The following FAM24A variants were observed in gnomAD, a reference collection of about 807,000 sequenced individuals.
FAM24A encodes the protein protein FAM24A.
A neutral mutation model predicts 2.8 loss-of-function variants in FAM24A; 2 were observed. The observed-to-expected ratio is 0.73, with a 90% confidence interval of 0.30 to 2.28. The LOEUF is 2.28. Ranked by LOEUF, FAM24A falls within the 30% of genes most tolerant of loss-of-function variation. FAM24A has a pLI of 0.12. For missense variants in FAM24A, 109 were observed against 132.0 expected (o/e 0.83, Z 0.85); for synonymous variants, 46 against 47.5 (o/e 0.97, Z 0.13).
rs1377502813 is a variant in FAM24A at position 122,911,690 on chromosome 10, T to C, written c.56T>C (p.Leu19Ser). 1.2e-6 allele frequency: 2 copies of C among 1,614,208 alleles called. No individual in the cohort carries two copies. Among genetic ancestry groups the C allele is most frequent in the Admixed American group, 3.3e-5 (2 of 60,032 alleles). ...TKIMIGIGSS[L>S]LVAAMVLLSV... ...ATCATGATCGGCATCGGAAGCAGCT[T>C]ACTGGTTGCCGCGATGGTGCTCCTA... The change falls in exon 2 of 3, where the codon TTA becomes TCA. Residue 19 changes from leucine (L) to serine (S), a missense_variant. Physicochemically the swap from Leu to Ser is moderately radical, Grantham distance 145. Coordinates refer to ENST00000368894, the MANE Select transcript of FAM24A (RefSeq NM_001029888.3).
chr10:122,911,671 A>G lies in FAM24A; in HGVS notation c.37A>G (p.Ile13Val). The change falls in exon 2 of 3, where the codon ATC becomes GTC. Residue 13 changes from isoleucine (I) to valine (V), a missense_variant. Ile to Val is a conservative substitution (Grantham distance 29). Coordinates refer to ENST00000368894, the MANE Select transcript of FAM24A (RefSeq NM_001029888.3). Reference protein sequence around the residue: ...KMFDLRTKIMIGIGSSLLVAA... With the variant: ...KMFDLRTKIMVGIGSSLLVAA... Reference sequence around the variant, plus strand: ...GTTTGATCTCAGGACGAAGATCATGATCGGCATCGGAAGCAGCTTACTGGT... The same window carrying G: ...GTTTGATCTCAGGACGAAGATCATGGTCGGCATCGGAAGCAGCTTACTGGT... The G allele has an allele frequency of 6.2e-7, 1 of 1,614,158 alleles. No individual in the cohort carries two copies. The highest frequency in any genetic ancestry group is 8.5e-7 in the Non-Finnish European group (1 of 1,180,036).
rs780903845 is a variant in FAM24A, at chr10:122,911,734, T to TA, written c.101dup (p.Tyr34Ter). ...GCTCCTAAGTGTTGTGTTCTGTCTT[T>TA]ACTTCAAAGTAGCTAAGGCACTAAA... is the stretch of plus-strand genomic sequence containing the variant. ...MVLLSVVFCL[Y>*]FKVAKALKAA... The change falls in exon 2 of 3, where the codon TAC becomes TAAC. Residue 34 changes from tyrosine to a stop codon, truncating the protein, a stop_gained and frameshift_variant. Coordinates refer to ENST00000368894, the MANE Select transcript of FAM24A (RefSeq NM_001029888.3). LOFTEE classifies it low-confidence loss of function (END_TRUNC). 22 of 1,614,030 alleles carry TA rather than the reference T, an allele frequency of 1.4e-5. 1 individual carries two copies. The South Asian group carries it at 2.2e-4, about 16-fold the overall frequency.
intron 2 of FAM24A, among the ~76,000 whole-genome samples, chr10:122,912,190 G>A (rs1848326469): frequency 6.6e-6 from 1 of 152,178 alleles, no homozygotes; most frequent in African/African-American, 2.4e-5. Flanking sequence ...GCGGAGGATG[G>A]GCTGGATTGA....
Position 122,912,915 on chromosome 10 carries a change from C to T in FAM24A, c.279C>T (p.Ser93=). 6.2e-7 allele frequency: 1 copy of T among 1,613,084 alleles called. No individual in the cohort carries two copies. The part of the protein sequence containing the change: ...EGCRMHASSD[S]LPPCCCDINE... Reference sequence around the variant, plus strand: ...GTAGAATGCATGCCAGTTCTGATTCCCTGCCACCTTGCTGTTGTGACATAA... The same window carrying T: ...GTAGAATGCATGCCAGTTCTGATTCTCTGCCACCTTGCTGTTGTGACATAA... Residue 93 remains serine (S), a synonymous_variant, in exon 3 of 3, where the codon TCC becomes TCT. Coordinates refer to ENST00000368894, the MANE Select transcript of FAM24A (RefSeq NM_001029888.3).
Position 122,911,667 on chromosome 10 carries a change from C to G in FAM24A, c.33C>G (p.Ile11Met). Residue 11 changes from isoleucine (I) to methionine (M), a missense_variant, in exon 2 of 3, where the codon ATC (isoleucine) becomes ATG (methionine). Ile to Met is a conservative substitution (Grantham distance 10). Coordinates refer to ENST00000368894, the MANE Select transcript of FAM24A (RefSeq NM_001029888.3). Reference sequence around the variant, plus strand: ...AGATGTTTGATCTCAGGACGAAGATCATGATCGGCATCGGAAGCAGCTTAC... The same window carrying G: ...AGATGTTTGATCTCAGGACGAAGATGATGATCGGCATCGGAAGCAGCTTAC... The part of the protein sequence containing the change: MAKMFDLRTK[I>M]MIGIGSSLLV... 3 of 1,614,138 alleles carry G rather than the reference C, an allele frequency of 1.9e-6. No homozygotes were observed. Among genetic ancestry groups the G allele is most frequent in the Non-Finnish European group, 2.5e-6 (3 of 1,180,032 alleles).
Position 122,910,698 on chromosome 10 carries a change from AG to A in FAM24A, c.-122del, listed in dbSNP as rs1848309448. On this transcript the variant is annotated 5_prime_UTR_variant, in exon 1 of 3. Coordinates refer to ENST00000368894, the MANE Select transcript of FAM24A (RefSeq NM_001029888.3). ...TTAATTACTCCTAGCAGGGATAATT[AG>A]GTCCCTCTTTCTCAGATTACAGGTT... 7.9e-5 allele frequency: 12 copies of A among 152,320 alleles called. No homozygotes were observed. In the South Asian group the frequency reaches 2.5e-3, roughly 32 times the overall value. The allele number at this position is 152,320 out of a possible 1,614,324, so 9.4% of individuals were successfully genotyped here. A position where few individuals can be genotyped will look rare whatever the true frequency, so the allele number is the denominator to read the frequency against.
rs754331518 is a variant in FAM24A, at chr10:122,913,004, A to G, written c.*50A>G. ...CTTCATGAGCAATATTTCTTTCTTA[A>G]TAGAATGTTTTATTATTCAAGTCAA... On this transcript the variant is annotated 3_prime_UTR_variant, in exon 3 of 3. Transcript: ENST00000368894. 5 of 1,512,088 alleles carry G rather than the reference A, an allele frequency of 3.3e-6. No homozygotes were observed. In the East Asian group the frequency reaches 9.1e-5, roughly 27 times the overall value. 93.7% of individuals were successfully genotyped at this position (1,512,088 alleles called of 1,614,324 possible).
chr10:122,912,948 C>T lies in FAM24A; in HGVS notation c.312C>T (p.Gly104=), dbSNP rs1380870705. ...CTTGCTGTTGTGACATAAATGAGGGCCTCTGACTTGGGAAAGCTGGGCACA... is the reference window on the plus strand; with the variant it reads ...CTTGCTGTTGTGACATAAATGAGGGTCTCTGACTTGGGAAAGCTGGGCACA... ...LPPCCCDINE[G]L The change falls in exon 3 of 3, where the codon GGC becomes GGT. Residue 104 remains glycine (G), a synonymous_variant. Transcript: ENST00000368894. 6.3e-7 allele frequency: 1 copy of T among 1,594,552 alleles called. No homozygotes were observed. The highest frequency in any genetic ancestry group is 8.5e-7 in the Non-Finnish European group (1 of 1,173,316).
intron 2 of FAM24A, 90 bp from the exon 3 acceptor site, chr10:122,912,672 G>A: frequency 7.9e-7 from 1 of 1,258,556 alleles, no homozygotes; most frequent in Non-Finnish European, 1.1e-6. Context: ...ATTGGCTTCA[G>A]CACTAAACTT....
At position 122,911,760 on chromosome 10, in the gene FAM24A, G is replaced by A. The variant is rs764344666; in HGVS notation, c.125+1G>A. On this transcript the variant is annotated splice_donor_variant, in intron 2 of 2. Coordinates refer to ENST00000368894, the MANE Select transcript of FAM24A (RefSeq NM_001029888.3). LOFTEE classifies it high-confidence loss of function. ...ACTTCAAAGTAGCTAAGGCACTAAA[G>A]TGAGTCATGTGGGGGAAAATGAATT... 2 of 1,613,974 alleles carry A rather than the reference G, an allele frequency of 1.2e-6. No individual in the cohort carries two copies. The highest frequency in any genetic ancestry group is 1.3e-5 in the African/African-American group (1 of 74,934).
chr10:122,912,521 G>A (rs1848329747), intron 2 of FAM24A, among the ~76,000 whole-genome samples: 2 of 152,020 alleles, frequency 1.3e-5, no homozygotes, highest in Non-Finnish European at 2.9e-5. Context: ...GCAGTCACCA[G>A]CTGGGTGATT....
intron 2 of FAM24A, among the ~76,000 whole-genome samples, chr10:122,912,203 T>G (rs1387139265): frequency 6.6e-6 from 1 of 152,196 alleles, no homozygotes; most frequent in Non-Finnish European, 1.5e-5. Context: ...TGGATTGATC[T>G]CCTCTTGCCT....
chr10:122,912,964 G>A lies in FAM24A; in HGVS notation c.*10G>A. 6.3e-7 allele frequency: 1 copy of A among 1,582,942 alleles called. No individual in the cohort carries two copies. The highest frequency in any genetic ancestry group is 8.6e-7 in the Non-Finnish European group (1 of 1,168,168). On this transcript the variant is annotated 3_prime_UTR_variant, in exon 3 of 3. Coordinates refer to ENST00000368894, the MANE Select transcript of FAM24A (RefSeq NM_001029888.3). ...AAATGAGGGCCTCTGACTTGGGAAA[G>A]CTGGGCACAAAAATCTTCATGAGCA...
chr10:122,911,809 G>A, intron 2 of FAM24A, 50 bp downstream of exon 2: 1 of 1,608,470 alleles, frequency 6.2e-7, no homozygotes, highest in Non-Finnish European at 8.5e-7. Context: ...TGGGATACCT[G>A]GACTCCCTAT....
At position 122,911,753 on chromosome 10, in the gene FAM24A, C is replaced by T. The variant is rs770012054; in HGVS notation, c.119C>T (p.Ala40Val). The change falls in exon 2 of 3, where the codon GCA becomes GTA. Residue 40 changes from alanine (A) to valine (V), a missense_variant. Transcript: ENST00000368894. Reference protein sequence around the residue: ...VFCLYFKVAKALKAAKDPDAV... With the variant: ...VFCLYFKVAKVLKAAKDPDAV... ...TGTCTTTACTTCAAAGTAGCTAAGG[C>T]ACTAAAGTGAGTCATGTGGGGGAAA... 1.2e-6 allele frequency: 2 copies of T among 1,613,972 alleles called. No individual in the cohort carries two copies. The highest frequency in any genetic ancestry group is 1.1e-5 in the South Asian group (1 of 91,068).
intron 1 of FAM24A, 29 bp from the exon 2 acceptor site, chr10:122,911,604 C>T (rs372388360): frequency 5.7e-5 from 92 of 1,610,300 alleles, no homozygotes; most frequent in Non-Finnish European, 7.1e-5. Context: ...AGGAAGGCCA[C>T]GTTCTGCTTC....
intron 1 of FAM24A, 33 bp from the exon 2 acceptor site, chr10:122,911,600 G>T (rs566486459): frequency 1.2e-6 from 2 of 1,609,852 alleles, no homozygotes; most frequent in Non-Finnish European, 1.7e-6. Context: ...GGGGAGGAAG[G>T]CCACGTTCTG....
At position 122,911,674 on chromosome 10, in the gene FAM24A, G is replaced by A. The variant is rs565379354; in HGVS notation, c.40G>A (p.Gly14Ser). 2.2e-5 allele frequency: 35 copies of A among 1,614,130 alleles called. No homozygotes were observed. In the East Asian group the frequency reaches 2.5e-4, roughly 11 times the overall value. Residue 14 changes from glycine (G) to serine (S), a missense_variant, in exon 2 of 3, where the codon GGC (glycine) becomes AGC (serine). Gly to Ser is a moderately conservative substitution (Grantham distance 56). Coordinates refer to ENST00000368894, the MANE Select transcript of FAM24A (RefSeq NM_001029888.3). ...TGATCTCAGGACGAAGATCATGATC[G>A]GCATCGGAAGCAGCTTACTGGTTGC... The part of the protein sequence containing the change: ...MFDLRTKIMI[G>S]IGSSLLVAAM...
intron 2 of FAM24A, 80 bp downstream of exon 2, chr10:122,911,839 TCTGCTGTGGCCATACCC>T: frequency 6.4e-7 from 1 of 1,571,084 alleles, no homozygotes; most frequent in South Asian, 1.2e-5. Flanking sequence ...GTCATTCCTT[TCTGCTGTGGCCATACCC>T]CTGAGTGAGT....
Sources: gnomAD v4.1 joint callset for allele counts (sites outside exome capture counted in the v4.1 genomes callset) on GRCh38, gnomAD v4.1.1 for gene constraint, MANE v1.5 for transcripts, NCBI Gene and HGNC (gene_info 2026-07-23, HGNC 2026-07-21) for gene names.